ZNF787: variants seen among roughly 807,000 people sequenced by gnomAD.
ZNF787 encodes TTF-I-interacting peptide 20.
Under a neutral mutation model 16.9 loss-of-function variants are expected in ZNF787, and 7 were observed. The observed-to-expected ratio is 0.42, with a 90% confidence interval of 0.24 to 0.78. ZNF787 has a LOEUF of 0.78. Among genes scored for constraint, ZNF787 ranks in the 30% least tolerant of loss-of-function variants. The pLI is 0.30. For missense variants in ZNF787, 551 were observed against 589.3 expected (o/e 0.94, Z 0.67); for synonymous variants, 345 against 270.9 (o/e 1.27, Z -2.69).
Position 56,088,952 on chromosome 19 carries a change from T to C in ZNF787, c.220A>G (p.Ser74Gly). Residue 74 changes from serine (S) to glycine (G), a missense_variant, in exon 3 of 3, where the codon AGC becomes GGC. By Grantham distance (56) the Ser-to-Gly change is moderately conservative (BLOSUM62 0). This residue lies in a region of ZNF787 where 39 missense variants were observed against 109.9 expected (regional missense o/e 0.35). Coordinates refer to ENST00000610935, the MANE Select transcript of ZNF787 (RefSeq NM_001002836.4). The surrounding 1 kb of genome is among the most constrained non-coding windows in gnomAD (Gnocchi z 8.6). ...GTCAGCTTGGACCAGTGGCTAAAGC[T>C]CTTGCCACACTCGTTGCAGATGTAG... ...APYICNECGK[S>G]FSHWSKLTRH... The C allele has an allele frequency of 6.4e-7, 1 of 1,557,998 alleles. No individual in the cohort carries two copies. The highest frequency in any genetic ancestry group is 2.4e-5 in the East Asian group (1 of 42,536).
intron 1 of ZNF787, among the ~76,000 whole-genome samples, chr19:56,111,197 CCAGGCCACAG>C (rs2029969794): frequency 4.0e-4 from 1 of 2,512 alleles, no homozygotes; most frequent in Non-Finnish European, 0.011. Context: ...TGCACACTTT[CCAGGCCACAG>C]CCAGGCCAAG....
intron 1 of ZNF787, among the ~76,000 whole-genome samples, chr19:56,108,878 C>T (rs1479001427): frequency 6.6e-6 from 1 of 152,158 alleles, no homozygotes; most frequent in Non-Finnish European, 1.5e-5. Context: ...TGCAGCCCGA[C>T]CAGGCTAGCT....
chr19:56,108,007 G>C (rs557408966), intron 1 of ZNF787, among the ~76,000 whole-genome samples: 1 of 152,220 alleles, frequency 6.6e-6, no homozygotes, highest in South Asian at 2.1e-4. Context: ...CTGTTCTGAC[G>C]CTTGTCTTAT....
chr19:56,091,434 G>A (rs1262980923), intron 2 of ZNF787, among the ~76,000 whole-genome samples: 2 of 152,196 alleles, frequency 1.3e-5, no homozygotes, highest in East Asian at 3.8e-4. Context: ...TGTGCAGTAC[G>A]TGGAGAGCGC....
At chr19:56,112,822 T>C (rs1387486444) in intron 1 of ZNF787, among the ~76,000 whole-genome samples, 1 of 151,900 alleles carries the variant, frequency 6.6e-6, no homozygotes, top group African/African-American at 2.4e-5. Context: ...ATGCACCCCA[T>C]GTGGCCCTGC....
Position 56,088,231 on chromosome 19 carries a change from T to A in ZNF787, c.941A>T (p.Glu314Val). ...GCACTCCACGCAGATGTGGGCCGGCTCCTCGCCCCCCGCCGCCCCGAGCCC... is the reference window on the plus strand; with the variant it reads ...GCACTCCACGCAGATGTGGGCCGGCACCTCGCCCCCCGCCGCCCCGAGCCC... Reference protein sequence around the residue: ...GDGLGAAGGEEPAHICVECGE... With the variant: ...GDGLGAAGGEVPAHICVECGE... Residue 314 changes from glutamate (E) to valine (V), a missense_variant, in exon 3 of 3, where the codon GAG (glutamate) becomes GTG (valine). By Grantham distance (121) the Glu-to-Val change is moderately radical. Around this residue, in one of 4 missense-constraint regions of ZNF787, gnomAD observed 392 missense variants for 312.7 expected, o/e 1.25. Coordinates refer to ENST00000610935, the MANE Select transcript of ZNF787 (RefSeq NM_001002836.4). The surrounding 1 kb of genome is among the most constrained non-coding windows in gnomAD (Gnocchi z 8.6). 6.7e-7 allele frequency: 1 copy of A among 1,495,802 alleles called. No homozygotes were observed. Among genetic ancestry groups the A allele is most frequent in the Non-Finnish European group, 8.9e-7 (1 of 1,128,452 alleles). The allele number at this position is 1,495,802 out of a possible 1,614,324, so 92.7% of individuals were successfully genotyped here.
At chr19:56,111,604 G>A (rs548540667) in intron 1 of ZNF787, among the ~76,000 whole-genome samples, 1 of 152,218 alleles carries the variant, frequency 6.6e-6, no homozygotes, top group African/African-American at 2.4e-5. Context: ...GGTAAGGGGT[G>A]AGGGGCCAGA....
chr19:56,091,987 A>G (rs1379456091), intron 2 of ZNF787, among the ~76,000 whole-genome samples: 1 of 149,428 alleles, frequency 6.7e-6, no homozygotes, highest in African/African-American at 2.5e-5. Context: ...CGAAGGCGAA[A>G]CCGAAGCCAA....
Position 56,088,146 on chromosome 19 carries a change from G to A in ZNF787, c.1026C>T (p.Gly342=), listed in dbSNP as rs1373879503. 5.8e-6 allele frequency: 9 copies of A among 1,553,624 alleles called. No individual in the cohort carries two copies. The Admixed American group carries it at 9.1e-5, about 16-fold the overall frequency. ...CGCAGCTGCTGCAGACCGAGGGCGC[G>A]CCCACCGCGTGGATCTTCTTGTGTC... ...LRRHKKIHAV[G]APSVCSSCGQ... is the part of the protein sequence containing the mutation. Residue 342 remains glycine, a synonymous_variant, in exon 3 of 3, where the codon GGC becomes GGT. Coordinates refer to ENST00000610935, the MANE Select transcript of ZNF787 (RefSeq NM_001002836.4). The surrounding 1 kb of genome is among the most constrained non-coding windows in gnomAD (Gnocchi z 8.6).
At chr19:56,120,956 T>C (rs1490572578) in intron 1 of ZNF787, among the ~76,000 whole-genome samples, 4 of 104,200 alleles carry the variant, frequency 3.8e-5, no homozygotes, top group Non-Finnish European at 7.8e-5. Flanking sequence ...CGGGCGCGCG[T>C]CCCCTCCCAC....
intron 2 of ZNF787, chr19:56,102,816 G>A (rs1316051410): frequency 1.5e-6 from 1 of 683,520 alleles, no homozygotes; most frequent in Admixed American, 2.1e-5. Context: ...GCGGGGCTGT[G>A]GGGAGAGGAA....
intron 2 of ZNF787, among the ~76,000 whole-genome samples, chr19:56,093,588 G>A (rs114482384): frequency 6.6e-6 from 1 of 152,116 alleles, no homozygotes; most frequent in African/African-American, 2.4e-5. Context: ...CCCTTTCCCT[G>A]GTCAGTTGTC....
chr19:56,119,721 A>G (rs1012401122), intron 1 of ZNF787, among the ~76,000 whole-genome samples: 2 of 152,192 alleles, frequency 1.3e-5, no homozygotes, highest in Non-Finnish European at 2.9e-5. Context: ...GGGTGCCCGG[A>G]TGGATGGATA....
intron 1 of ZNF787, among the ~76,000 whole-genome samples, chr19:56,116,323 T>A (rs556779530): frequency 7.9e-5 from 12 of 151,342 alleles, no homozygotes; most frequent in Admixed American, 3.3e-4. Context: ...GCGCCTGTAG[T>A]CCCAGCTACC....
At position 56,087,997 on chromosome 19, in the gene ZNF787, C is replaced by A; in HGVS notation, c.*26G>T. Reference sequence around the variant, plus strand: ...CTCCCGCCAAGCCCGAGGGGCCCTGCCCGCCCCCCCCCCCGGGCCCCTCCC... The same window carrying A: ...CTCCCGCCAAGCCCGAGGGGCCCTGACCGCCCCCCCCCCCGGGCCCCTCCC... On this transcript the variant is annotated 3_prime_UTR_variant, in exon 3 of 3. Transcript: ENST00000610935. 1.6e-6 allele frequency: 1 copy of A among 624,116 alleles called. No individual in the cohort carries two copies. The highest frequency in any genetic ancestry group is 2.0e-6 in the Non-Finnish European group (1 of 510,886). 38.7% of individuals were successfully genotyped at this position (624,116 alleles called of 1,614,324 possible).
intron 2 of ZNF787, among the ~76,000 whole-genome samples, chr19:56,098,503 C>T (rs1403920222): frequency 1.4e-5 from 2 of 147,960 alleles, no homozygotes; most frequent in South Asian, 2.2e-4. Context: ...TGATTACGGC[C>T]GCAGGGTGAT....
At position 56,088,020 on chromosome 19, in the gene ZNF787, CCCCTA is replaced by C; in HGVS notation, c.1147_*2del. 8.2e-7 allele frequency: 1 copy of C among 1,225,704 alleles called. No individual in the cohort carries two copies. The highest frequency in any genetic ancestry group is 1.0e-6 in the Non-Finnish European group (1 of 979,966). 75.9% of individuals were successfully genotyped at this position (1,225,704 alleles called of 1,614,324 possible). On this transcript the variant is annotated stop_lost and 3_prime_UTR_variant, in exon 3 of 3. Coordinates refer to ENST00000610935, the MANE Select transcript of ZNF787 (RefSeq NM_001002836.4). The surrounding 1 kb of genome is among the most constrained non-coding windows in gnomAD (Gnocchi z 8.6). ...TGCCCGCCCCCCCCCCCGGGCCCCT[CCCCTA>C]CCGGCCCTCCCCACCGCGGCACTCG...
At chr19:56,113,388 C>T (rs766235985) in intron 1 of ZNF787, among the ~76,000 whole-genome samples, 1 of 152,208 alleles carries the variant, frequency 6.6e-6, no homozygotes, top group Non-Finnish European at 1.5e-5. Flanking sequence ...CGAGAGAAAA[C>T]ATGCGTCCGT....
intron 1 of ZNF787, among the ~76,000 whole-genome samples, chr19:56,115,255 G>A (rs1005954651): frequency 5.3e-5 from 8 of 151,970 alleles, no homozygotes; most frequent in East Asian, 1.9e-4. Flanking sequence ...CAGCCTGCAC[G>A]TCCCTCTGGC....
Sources: gnomAD v4.1 joint callset for allele counts (sites outside exome capture counted in the v4.1 genomes callset) on GRCh38, gnomAD v4.1.1 for gene constraint, gnomAD v4.1.1 regional missense constraint, Gnocchi (gnomAD v3.1) non-coding constraint, MANE v1.5 for transcripts, NCBI Gene and HGNC (gene_info 2026-07-23, HGNC 2026-07-21) for gene names.